The following DCBLD1 variants were observed in gnomAD, a reference collection of about 807,000 sequenced individuals.
DCBLD1 encodes the protein discoidin, CUB and LCCL domain containing 1.
DCBLD1 carries 57 observed loss-of-function variants against 71.5 expected under a neutral mutation model. The observed-to-expected ratio is 0.80, with a 90% CI of 0.64 to 0.99. The LOEUF is 0.99. DCBLD1 is among the 50% of genes least tolerant of loss of function. The pLI, the probability that DCBLD1 is intolerant of heterozygous loss-of-function variation, is 0.00. For synonymous variants in DCBLD1, 380 were observed against 363.8 expected (o/e 1.04, Z -0.51); for missense variants, 891 against 923.5 (o/e 0.96, Z 0.46).
intron 2 of DCBLD1, among the ~76,000 whole-genome samples, chr6:117,511,529 G>T (rs964106041): frequency 1.3e-5 from 2 of 152,066 alleles, no homozygotes; most frequent in African/African-American, 4.8e-5. Flanking sequence ...ATCATGTGAA[G>T]TCAACTGTTA....
At chr6:117,510,664 C>T (rs1763413314) in intron 2 of DCBLD1, among the ~76,000 whole-genome samples, 1 of 152,098 alleles carries the variant, frequency 6.6e-6, no homozygotes, top group Non-Finnish European at 1.5e-5. Context: ...TTATAAGTAG[C>T]TTGATTTTGG....
chr6:117,516,966 A>T (rs986761642), intron 2 of DCBLD1, among the ~76,000 whole-genome samples: 4 of 152,182 alleles, frequency 2.6e-5, no homozygotes, highest in Non-Finnish European at 5.9e-5. Context: ...AACCATTATC[A>T]TTTCGACCCT....
intron 14 of DCBLD1, among the ~76,000 whole-genome samples, chr6:117,563,647 A>G (rs1441399514): frequency 6.6e-6 from 1 of 151,994 alleles, no homozygotes; most frequent in African/African-American, 2.4e-5. Flanking sequence ...ACTTGAAGCC[A>G]GGAAGTGGAG....
intron 2 of DCBLD1, among the ~76,000 whole-genome samples, chr6:117,512,242 G>A (rs1778047427): frequency 6.6e-6 from 1 of 152,144 alleles, no homozygotes; most frequent in Non-Finnish European, 1.5e-5. Flanking sequence ...GGGTCCTGTA[G>A]CCCCAAGGAA....
At chr6:117,553,100 G>T (rs1779452738), downstream of DCBLD1, among the ~76,000 whole-genome samples, 1 of 152,128 alleles carries the variant, frequency 6.6e-6, no homozygotes, top group South Asian at 2.1e-4. Flanking sequence ...TCACACTGTG[G>T]CTGTTACAAA....
chr6:117,512,701 A>G (rs377424721), intron 2 of DCBLD1, among the ~76,000 whole-genome samples: 1 of 152,122 alleles, frequency 6.6e-6, no homozygotes, highest in East Asian at 1.9e-4. Flanking sequence ...TAGGTCAATC[A>G]GGCATGTTCT....
intron 1 of DCBLD1, among the ~76,000 whole-genome samples, chr6:117,489,777 T>C (rs1284298796): frequency 2.6e-5 from 4 of 152,010 alleles, no homozygotes; most frequent in Non-Finnish European, 1.5e-5. Flanking sequence ...CCCAGCTACT[T>C]GGGAGGCTGA....
In DCBLD1 at chr6:117,543,180, G is replaced by T; in HGVS notation, c.1414G>T (p.Ala472Ser). ...GGTGCTCCTTGTTGTCCTGGTGTTT[G>T]CTGGAATGGGGATCTTTGCAGCCTT... is the stretch of plus-strand genomic sequence containing the variant. ...PLVLLVVLVF[A>S]GMGIFAAFRK... The change falls in exon 12 of 15, where the codon GCT becomes TCT. Residue 472 changes from alanine to serine, a missense_variant. Transcript: ENST00000338728. The T allele has an allele frequency of 1.9e-6, 3 of 1,614,104 alleles. No individual in the cohort carries two copies. Among genetic ancestry groups the T allele is most frequent in the Non-Finnish European group, 2.5e-6 (3 of 1,179,990 alleles).
Position 117,503,908 on chromosome 6 carries a change from G to A in DCBLD1, c.254G>A (p.Gly85Glu), listed in dbSNP as rs778006801. Residue 85 changes from glycine (G) to glutamate (E), a missense_variant, in exon 2 of 15, where the codon GGA (glycine) becomes GAA (glutamate). Transcript: ENST00000338728. ...GGGAAAAGACTGATTCTGAGGTTGG[G>A]AGATTTGGATATCGAATCCCAGACC... ...PKGKRLILRL[G>E]DLDIESQTCA... The A allele has an allele frequency of 1.9e-6, 3 of 1,614,154 alleles. No individual in the cohort carries two copies. Among genetic ancestry groups the A allele is most frequent in the Non-Finnish European group, 2.5e-6 (3 of 1,180,012 alleles).
intron 1 of DCBLD1, among the ~76,000 whole-genome samples, chr6:117,490,816 T>A (rs1026798585): frequency 6.6e-6 from 1 of 151,890 alleles, no homozygotes; most frequent in Non-Finnish European, 1.5e-5. Flanking sequence ...TTTTCTTTCT[T>A]CACAAAATTA....
At chr6:117,499,072 A>G (rs905361417) in intron 1 of DCBLD1, among the ~76,000 whole-genome samples, 11 of 128,370 alleles carry the variant, frequency 8.6e-5, no homozygotes, top group African/African-American at 3.4e-4. Flanking sequence ...TATTTCATAG[A>G]GAGCTTTTTT....
chr6:117,537,662 C>CTTTTTTTTTTTTTTT (rs68032011), intron 7 of DCBLD1, among the ~76,000 whole-genome samples: 1 of 46,880 alleles, frequency 2.1e-5, no homozygotes, highest in African/African-American at 9.5e-5. Context: ...TACATAGCAC[C>CTTTTTTTTTTTTTTT]TTTTTTTTTT....
intron 2 of DCBLD1, among the ~76,000 whole-genome samples, chr6:117,514,459 T>C (rs963433076): frequency 1.3e-5 from 2 of 151,968 alleles, no homozygotes; most frequent in African/African-American, 4.8e-5. Context: ...ATCAAAAAAT[T>C]AGCTGGACAT....
chr6:117,487,265 G>T (rs1777120999), intron 1 of DCBLD1, among the ~76,000 whole-genome samples: 2 of 152,062 alleles, frequency 1.3e-5, no homozygotes, highest in Admixed American at 1.3e-4. Context: ...TGGGTGCTTA[G>T]TGAGGATGGG....
chr6:117,528,009 A>G (rs1778597218), intron 5 of DCBLD1, among the ~76,000 whole-genome samples: 1 of 152,184 alleles, frequency 6.6e-6, no homozygotes. Flanking sequence ...TAAGCAGAAC[A>G]TATCACTTAA....
intron 14 of DCBLD1, among the ~76,000 whole-genome samples, chr6:117,555,363 AG>A (rs1267813762): frequency 6.6e-6 from 1 of 151,874 alleles, no homozygotes; most frequent in Admixed American, 6.6e-5. Flanking sequence ...CTGAAAAATC[AG>A]GGTTTTTTTT....
chr6:117,490,462 A>G (rs1408732880), intron 1 of DCBLD1, among the ~76,000 whole-genome samples: 2 of 152,188 alleles, frequency 1.3e-5, no homozygotes, highest in Non-Finnish European at 2.9e-5. Context: ...CCAACTTATA[A>G]TTGATGTGTC....
chr6:117,541,291 A>G (rs1317597024), intron 11 of DCBLD1, among the ~76,000 whole-genome samples: 1 of 150,000 alleles, frequency 6.7e-6, no homozygotes, highest in Non-Finnish European at 1.5e-5. Flanking sequence ...ACATCCATGC[A>G]GTGGAACACT....
At chr6:117,517,765 C>T (rs1332298715) in intron 2 of DCBLD1, among the ~76,000 whole-genome samples, 3 of 152,140 alleles carry the variant, frequency 2.0e-5, no homozygotes, top group Non-Finnish European at 2.9e-5. Context: ...CTACGTTGTC[C>T]CCTTCCAGCC....
Sources: gnomAD v4.1 joint callset for allele counts (sites outside exome capture counted in the v4.1 genomes callset) on GRCh38, gnomAD v4.1.1 for gene constraint, MANE v1.5 for transcripts, NCBI Gene and HGNC (gene_info 2026-07-23, HGNC 2026-07-21) for gene names.